Variants in ACBD6 observed in about 807,000 individuals in gnomAD.
ACBD6 encodes the protein acyl-CoA-binding domain-containing protein 6.
ACBD6 carries 28 observed loss-of-function variants against 37.2 expected under a neutral mutation model. That is an observed-to-expected ratio of 0.75 (90% confidence interval 0.56 to 1.03). The LOEUF is 1.03. Ranked by LOEUF, ACBD6 falls within the 50% of genes least tolerant of loss-of-function variation. The pLI, the probability that ACBD6 is intolerant of heterozygous loss-of-function variation, is 0.00. For synonymous variants in ACBD6, 113 were observed against 126.8 expected (o/e 0.89, Z 0.73); for missense variants, 340 against 337.4 (o/e 1.01, Z -0.06).
At chr1:180,292,524 C>T (rs1057184755) in intron 7 of ACBD6, among the ~76,000 whole-genome samples, 1 of 151,522 alleles carries the variant, frequency 6.6e-6, no homozygotes, top group African/African-American at 2.4e-5. Flanking sequence ...TTTTAATTTT[C>T]AATTGTTCAT....
rs1206049052 is a variant in ACBD6 at position 180,434,984 on chromosome 1, T to C, written c.385-4722A>G. The stretch of plus-strand genomic sequence containing the variant: ...GTCTGTAAACCAAGTACAGATGGAC[T>C]GAGTACGGCCTGACGTTTACAGAGA... On this transcript the variant is annotated intron_variant, in intron 3 of 7. Transcript: ENST00000367595. 5.4e-6 allele frequency: 5 copies of C among 927,618 alleles called. No individual in the cohort carries two copies. In the East Asian group the frequency reaches 1.2e-4, roughly 22 times the overall value. 57.5% of individuals were successfully genotyped at this position (927,618 alleles called of 1,614,324 possible). A position where few individuals can be genotyped will look rare whatever the true frequency, so the allele number is the denominator to read the frequency against.
At chr1:180,480,969 TG>T (rs1651015027) in intron 3 of ACBD6, among the ~76,000 whole-genome samples, 1 of 150,808 alleles carries the variant, frequency 6.6e-6, no homozygotes, top group African/African-American at 2.4e-5. Context: ...AGGCAGAGTC[TG>T]CAGTGAGCGG....
intron 6 of ACBD6, among the ~76,000 whole-genome samples, chr1:180,337,536 C>T (rs1275613028): frequency 6.6e-6 from 1 of 152,164 alleles, no homozygotes; most frequent in Non-Finnish European, 1.5e-5. Context: ...GACAAACCCA[C>T]AGCCAATATC....
intron 4 of ACBD6, among the ~76,000 whole-genome samples, chr1:180,414,566 C>T (rs1048902476): frequency 6.6e-6 from 1 of 152,166 alleles, no homozygotes; most frequent in Non-Finnish European, 1.5e-5. Context: ...ACATGTAAGG[C>T]ACTGGACAAG....
At chr1:180,429,932 GCACTGGTTCAGA>G (rs1459041434) in intron 4 of ACBD6, among the ~76,000 whole-genome samples, 2 of 151,964 alleles carry the variant, frequency 1.3e-5, no homozygotes, top group African/African-American at 4.8e-5. Flanking sequence ...GACTTATCTG[GCACTGGTTCAGA>G]CATTTAATTG....
At chr1:180,419,647 A>G (rs1183416458) in intron 4 of ACBD6, among the ~76,000 whole-genome samples, 1 of 152,272 alleles carries the variant, frequency 6.6e-6, no homozygotes, top group Non-Finnish European at 1.5e-5. Flanking sequence ...CTGAAGGCTT[A>G]TCGATAAACA....
At chr1:180,312,355 A>AT (rs1009318295) in intron 7 of ACBD6, among the ~76,000 whole-genome samples, 12 of 151,942 alleles carry the variant, frequency 7.9e-5, no homozygotes, top group Admixed American at 3.3e-4. Context: ...AATGTTTTAA[A>AT]TTTTTTTTAG....
chr1:180,453,132 A>G (rs373855289), intron 3 of ACBD6, among the ~76,000 whole-genome samples: 1 of 152,262 alleles, frequency 6.6e-6, no homozygotes, highest in East Asian at 1.9e-4. Flanking sequence ...ATTTCAGGCC[A>G]GTATCCCTGA....
At chr1:180,346,632 T>C (rs1652190718) in intron 6 of ACBD6, among the ~76,000 whole-genome samples, 1 of 152,172 alleles carries the variant, frequency 6.6e-6, no homozygotes, top group Non-Finnish European at 1.5e-5. Context: ...TATGAAGCCT[T>C]GAGCAGAGGA....
intron 2 of ACBD6, among the ~76,000 whole-genome samples, chr1:180,493,460 C>G (rs1651606405): frequency 1.3e-5 from 2 of 151,984 alleles, no homozygotes; most frequent in Admixed American, 6.6e-5. Context: ...AAATTCCAAC[C>G]AGTGTTTCTC....
intron 6 of ACBD6, among the ~76,000 whole-genome samples, chr1:180,345,337 C>T (rs1248025863): frequency 6.6e-6 from 1 of 152,112 alleles, no homozygotes; most frequent in Non-Finnish European, 1.5e-5. Flanking sequence ...TGAAAATTTA[C>T]ATAGTCTGTT....
intron 4 of ACBD6, among the ~76,000 whole-genome samples, chr1:180,428,554 A>C (rs572677285): frequency 6.6e-6 from 1 of 152,324 alleles, no homozygotes; most frequent in Non-Finnish European, 1.5e-5. Context: ...GTTTAACTCT[A>C]TCTCAGGATT....
At chr1:180,433,928 T>G (rs1421232957) in intron 3 of ACBD6, among the ~76,000 whole-genome samples, 5 of 152,014 alleles carry the variant, frequency 3.3e-5, no homozygotes, top group African/African-American at 7.3e-5. Context: ...CTGGGGATAG[T>G]GGAACACATG....
intron 9 of ACBD6, chr1:180,277,885 G>GC (rs531531999): frequency 1.4e-5 from 2 of 147,818 alleles, no homozygotes; most frequent in South Asian, 2.2e-4. Context: ...TTTGGGGGGG[G>GC]GCAGTGTAAA....
intron 7 of ACBD6, among the ~76,000 whole-genome samples, chr1:180,305,433 TG>T (rs1479914312): frequency 1.3e-5 from 2 of 152,086 alleles, no homozygotes; most frequent in Non-Finnish European, 2.9e-5. Flanking sequence ...CATCAAAAAG[TG>T]GGCAAAGGAT....
At chr1:180,295,271 ATTT>A (rs35514630) in intron 7 of ACBD6, among the ~76,000 whole-genome samples, 11 of 131,922 alleles carry the variant, frequency 8.3e-5, no homozygotes, top group Non-Finnish European at 1.2e-4. Flanking sequence ...GCATCCTGCA[ATTT>A]TTTTTTTTTT....
chr1:180,423,000 A>G (rs1284022072), intron 4 of ACBD6, among the ~76,000 whole-genome samples: 1 of 152,166 alleles, frequency 6.6e-6, no homozygotes, highest in African/African-American at 2.4e-5. Context: ...TGAGAATGGC[A>G]CCAGATATGG....
intron 3 of ACBD6, among the ~76,000 whole-genome samples, chr1:180,433,382 A>C (rs1180162996): frequency 1.3e-5 from 2 of 152,188 alleles, no homozygotes; most frequent in African/African-American, 2.4e-5. Context: ...GAATAGAATA[A>C]AACTACCTCA....
At chr1:180,311,783 CAA>C (rs1395283150) in intron 7 of ACBD6, among the ~76,000 whole-genome samples, 1 of 152,206 alleles carries the variant, frequency 6.6e-6, no homozygotes, top group Non-Finnish European at 1.5e-5. Flanking sequence ...TCAAATATCA[CAA>C]AGTTTTCCTT....
Sources: allele counts gnomAD v4.1 joint callset (sites outside exome capture counted in the v4.1 genomes callset), GRCh38; gene constraint gnomAD v4.1.1; transcripts MANE v1.5; gene names NCBI Gene and HGNC (gene_info 2026-07-23, HGNC 2026-07-21).